UBAP2: variants seen among roughly 807,000 people sequenced by gnomAD.
UBAP2 encodes the protein ubiquitin associated protein 2.
UBAP2 carries 75 observed loss-of-function variants against 139.6 expected under a neutral mutation model. That is an observed-to-expected ratio of 0.54 (90% CI 0.45 to 0.65). The LOEUF (loss-of-function observed/expected upper bound fraction) is 0.65. Ranked by LOEUF, UBAP2 falls within the 30% of genes least tolerant of loss-of-function variation. UBAP2 has a pLI of 0.00. For missense variants in UBAP2, 1,368 were observed against 1,369.6 expected, an observed-to-expected ratio of 1.00 and a Z score of 0.02; for synonymous variants, 526 against 526.2, an observed-to-expected ratio of 1.00 and a Z score of 0.01.
intron 2 of UBAP2, among the ~76,000 whole-genome samples, chr9:34,010,428 A>T (rs948313209): frequency 1.2e-3 from 4 of 3,346 alleles, no homozygotes; most frequent in African/African-American, 3.8e-3. Context: ...TCTGCCTCAT[A>T]AAAAAAAAAA....
At chr9:33,993,279 GCAA>G (rs1463116011) in intron 4 of UBAP2, among the ~76,000 whole-genome samples, 1 of 152,158 alleles carries the variant, frequency 6.6e-6, no homozygotes, top group Non-Finnish European at 1.5e-5. Flanking sequence ...CTTGCTCCTA[GCAA>G]CATCACAGTG....
chr9:34,007,780 A>G (rs1376754620), intron 2 of UBAP2, among the ~76,000 whole-genome samples: 1 of 151,502 alleles, frequency 6.6e-6, no homozygotes, highest in Admixed American at 6.6e-5. Context: ...CTGGGACTAC[A>G]GGCACCCGCC....
At chr9:33,925,498 CAA>C (rs950594997) in intron 22 of UBAP2, among the ~76,000 whole-genome samples, 2 of 152,152 alleles carry the variant, frequency 1.3e-5, no homozygotes, top group Non-Finnish European at 2.9e-5. Context: ...TGATAAAAGC[CAA>C]AAGAGTGCTG....
intron 1 of UBAP2, among the ~76,000 whole-genome samples, chr9:34,027,298 T>C (rs979453896): frequency 3.3e-5 from 5 of 151,072 alleles, no homozygotes; most frequent in Admixed American, 6.6e-5. Flanking sequence ...CTGGCCAACA[T>C]AGTGAAACCC....
chr9:34,016,370 C>CGGCGGTGGT (rs1321174650), intron 2 of UBAP2, among the ~76,000 whole-genome samples: 55 of 93,732 alleles, frequency 5.9e-4, no homozygotes, highest in African/African-American at 8.8e-4. Flanking sequence ...GCGGCAGCGG[C>CGGCGGTGGT]GGTGGTGGTG....
In UBAP2 at chr9:33,927,835, G is replaced by A; in HGVS notation, c.2333C>T (p.Ser778Phe). 1 of 1,614,022 alleles carries A rather than the reference G, an allele frequency of 6.2e-7. No individual in the cohort carries two copies. ...LCLGGTPASA[S>F]SSSSRAAPLV... is the part of the protein sequence containing the mutation. ...GGGCGCGGCCCTGCTACTGCTGCTG[G>A]ATGCACTCGCGGGGGTCCCACCCAG... Residue 778 changes from serine (S) to phenylalanine (F), a missense_variant, in exon 20 of 29, where the codon TCC becomes TTC. By Grantham distance (155) the Ser-to-Phe change is radical (BLOSUM62 -2). Coordinates refer to ENST00000379238, the MANE Select transcript of UBAP2 (RefSeq NM_001370062.2).
chr9:33,967,550 T>C (rs1243284648), intron 8 of UBAP2, among the ~76,000 whole-genome samples: 2 of 152,202 alleles, frequency 1.3e-5, no homozygotes, highest in African/African-American at 4.8e-5. Flanking sequence ...GCTCCTTTCA[T>C]AGATCTTATT....
intron 8 of UBAP2, among the ~76,000 whole-genome samples, chr9:33,964,058 G>T (rs1488781066): frequency 4.6e-5 from 7 of 152,180 alleles, no homozygotes; most frequent in Non-Finnish European, 8.8e-5. Flanking sequence ...ATCAAAGAGA[G>T]TATTCTAATC....
At chr9:33,951,206 T>G (rs1826065744) in intron 12 of UBAP2, among the ~76,000 whole-genome samples, 1 of 152,092 alleles carries the variant, frequency 6.6e-6, no homozygotes. Flanking sequence ...TTTAGCAAGA[T>G]GAGGCCTCGC....
chr9:33,980,302 G>A (rs559957426), intron 6 of UBAP2, among the ~76,000 whole-genome samples: 7 of 130,666 alleles, frequency 5.4e-5, no homozygotes, highest in African/African-American at 1.1e-4. Flanking sequence ...GCGTGATCTC[G>A]GGTCACTACG....
At chr9:33,954,692 T>A (rs1401071618) in intron 11 of UBAP2, among the ~76,000 whole-genome samples, 1 of 152,100 alleles carries the variant, frequency 6.6e-6, no homozygotes, top group Non-Finnish European at 1.5e-5. Context: ...TTGAATTTCA[T>A]GACAATGATC....
Position 33,927,820 on chromosome 9 carries a change from C to G in UBAP2, c.2348G>C (p.Arg783Thr). The G allele has an allele frequency of 6.2e-7, 1 of 1,613,474 alleles. No individual in the cohort carries two copies. The highest frequency in any genetic ancestry group is 8.5e-7 in the Non-Finnish European group (1 of 1,179,776). ...ACCTGAGGTCACCAAGGGCGCGGCC[C>G]TGCTACTGCTGCTGGATGCACTCGC... is the stretch of plus-strand genomic sequence containing the variant. ...TPASASSSSSRAAPLVTSGKA... is the reference protein window; with the variant it reads ...TPASASSSSSTAAPLVTSGKA... The change falls in exon 20 of 29, where the codon AGG becomes ACG. Residue 783 changes from arginine to threonine, a missense_variant. Coordinates refer to ENST00000379238, the MANE Select transcript of UBAP2 (RefSeq NM_001370062.2).
chr9:33,941,654 T>A lies in UBAP2; in HGVS notation c.1924A>T (p.Ile642Phe), dbSNP rs779177446. Residue 642 changes from isoleucine (I) to phenylalanine (F), a missense_variant, in exon 16 of 29, where the codon ATC becomes TTC. By Grantham distance (21) the Ile-to-Phe change is conservative. Transcript: ENST00000379238. ...VSSSESAPGT[I>F]MNGHGGGRSQ... is the part of the protein sequence containing the mutation. ...AAAACTAAAATACCACTTACCATGA[T>A]GGTTCCTGGAGCTGACTCTGATGAA... The A allele has an allele frequency of 6.2e-7, 1 of 1,613,976 alleles. No homozygotes were observed. The highest frequency in any genetic ancestry group is 8.5e-7 in the Non-Finnish European group (1 of 1,179,820).
In UBAP2 at chr9:34,021,720, G is replaced by A. The variant is rs376852249; in HGVS notation, c.-41-4531C>T. On this transcript the variant is annotated intron_variant, in intron 1 of 28. Coordinates refer to ENST00000379238, the MANE Select transcript of UBAP2 (RefSeq NM_001370062.2). Reference sequence around the variant, plus strand: ...GTGATCTCAGCTCACTGCAACCTCCGTCTCCCGGGTTCAGGCGATTCTCCT... The same window carrying A: ...GTGATCTCAGCTCACTGCAACCTCCATCTCCCGGGTTCAGGCGATTCTCCT... 8.1e-5 allele frequency among the ~76,000 whole-genome samples: 12 copies of A among 148,522 alleles called. No individual in the cohort carries two copies. In the South Asian group the frequency reaches 2.3e-3, roughly 29 times the overall value.
At chr9:34,010,292 C>T (rs1235740908) in intron 2 of UBAP2, among the ~76,000 whole-genome samples, 5 of 150,466 alleles carry the variant, frequency 3.3e-5, no homozygotes, top group African/African-American at 4.9e-5. Flanking sequence ...GTCATGATGG[C>T]AGGTGCCTGT....
At chr9:33,969,565 G>GA (rs34707704) in intron 8 of UBAP2, among the ~76,000 whole-genome samples, 24 of 148,500 alleles carry the variant, frequency 1.6e-4, no homozygotes, top group Middle Eastern at 3.6e-3. Flanking sequence ...AAAAAAAAAA[G>GA]AAAGAAAGAA....
chr9:34,043,284 A>G (rs531159470), intron 1 of UBAP2, among the ~76,000 whole-genome samples: 1 of 151,878 alleles, frequency 6.6e-6, no homozygotes, highest in Non-Finnish European at 1.5e-5. Context: ...CAATCCTCCA[A>G]CCTCAGCCTC....
chr9:33,963,666 A>T, intron 9 of UBAP2, 60 bp downstream of exon 9: 1 of 1,014,738 alleles, frequency 9.9e-7, no homozygotes, highest in East Asian at 2.6e-5. Flanking sequence ...AAAATGAAAG[A>T]TATTGCAAGC....
At chr9:34,005,482 C>G (rs910853062) in intron 2 of UBAP2, among the ~76,000 whole-genome samples, 4 of 148,598 alleles carry the variant, frequency 2.7e-5, no homozygotes, top group African/African-American at 9.8e-5. Flanking sequence ...TAACATATCT[C>G]TAAGTTTTTC....
Sources: allele counts gnomAD v4.1 joint callset (sites outside exome capture counted in the v4.1 genomes callset), GRCh38; gene constraint gnomAD v4.1.1; transcripts MANE v1.5; gene names NCBI Gene and HGNC (gene_info 2026-07-23, HGNC 2026-07-21).